Variants in YWHAE observed in about 807,000 individuals in gnomAD.
YWHAE encodes tyrosine 3-monooxygenase/tryptophan 5-monooxygenase activation protein epsilon.
YWHAE carries 4 observed loss-of-function variants against 30.1 expected under a neutral mutation model. That is an observed-to-expected ratio of 0.13 (90% CI 0.07 to 0.30). YWHAE has a LOEUF of 0.30. YWHAE is among the 10% of genes least tolerant of loss of function. YWHAE has a pLI of 1.00. For missense variants in YWHAE, 121 were observed against 315.9 expected, an observed-to-expected ratio of 0.38 and a Z score of 4.68; for synonymous variants, 118 against 111.8, an observed-to-expected ratio of 1.06 and a Z score of -0.35.
intron 5 of YWHAE, among the ~76,000 whole-genome samples, chr17:1,351,385 A>T (rs914402189): frequency 2.6e-5 from 4 of 152,034 alleles, no homozygotes; most frequent in Non-Finnish European, 4.4e-5. Flanking sequence ...TCTCAAAAAA[A>T]AAAAATAAAA....
chr17:1,399,939 C>CG, intron 1 of YWHAE, 108 bp downstream of exon 1: 1 of 1,400,480 alleles, frequency 7.1e-7, no homozygotes, highest in Admixed American at 1.7e-5. Context: ...CCCAAGCCCC[C>CG]GGGCCAGGCT....
intron 1 of YWHAE, among the ~76,000 whole-genome samples, chr17:1,391,434 C>A (rs552195222): frequency 1.2e-4 from 19 of 152,248 alleles, no homozygotes; most frequent in African/African-American, 4.6e-4. Context: ...GACCACAAGG[C>A]AAGTTTGTTG....
chr17:1,393,420 A>G (rs1227661870), intron 1 of YWHAE, among the ~76,000 whole-genome samples: 4 of 152,034 alleles, frequency 2.6e-5, no homozygotes, highest in Non-Finnish European at 4.4e-5. Flanking sequence ...TACAGACATT[A>G]TGATAAACTA....
At chr17:1,352,611 C>T (rs1382925322) in intron 5 of YWHAE, among the ~76,000 whole-genome samples, 5 of 151,946 alleles carry the variant, frequency 3.3e-5, no homozygotes, top group South Asian at 2.1e-4. Flanking sequence ...CTGCAACCTC[C>T]GCCTCCTGGG....
rs995658494 is a variant in YWHAE, at chr17:1,344,973, G to C, written c.*474C>G. 4.7e-5 allele frequency: 11 copies of C among 235,334 alleles called. No homozygotes were observed. The highest frequency in any genetic ancestry group is 2.4e-4 in the African/African-American group (11 of 45,324). 14.6% of individuals were successfully genotyped at this position (235,334 alleles called of 1,614,324 possible). A position where few individuals can be genotyped will look rare whatever the true frequency, so the allele number is the denominator to read the frequency against. ...CCCAAACCACCTTTAACCATCTCAA[G>C]CTAACACCCAATTACTTGCAAACAC... On this transcript the variant is annotated 3_prime_UTR_variant, in exon 6 of 6. Coordinates refer to ENST00000264335, the MANE Select transcript of YWHAE (RefSeq NM_006761.5).
chr17:1,382,520 C>T (rs1235064673), intron 1 of YWHAE, among the ~76,000 whole-genome samples: 4 of 151,104 alleles, frequency 2.6e-5, no homozygotes, highest in Non-Finnish European at 5.9e-5. Context: ...CCAGGCCAGG[C>T]TAATTTTTTT....
chr17:1,358,300 C>A (rs1055308817), intron 4 of YWHAE, among the ~76,000 whole-genome samples: 1 of 152,050 alleles, frequency 6.6e-6, no homozygotes, highest in African/African-American at 2.4e-5. Flanking sequence ...AGTGCAGTGG[C>A]GTGATCTTGG....
chr17:1,370,814 G>A (rs1296312942), intron 1 of YWHAE, among the ~76,000 whole-genome samples: 1 of 151,876 alleles, frequency 6.6e-6, no homozygotes, highest in Admixed American at 6.6e-5. Context: ...GGCTAACAAG[G>A]TGAAAACCTC....
At chr17:1,385,710 C>G (rs1438667994) in intron 1 of YWHAE, among the ~76,000 whole-genome samples, 7 of 152,174 alleles carry the variant, frequency 4.6e-5, no homozygotes, top group Non-Finnish European at 1.5e-5. Flanking sequence ...TATCCCAATA[C>G]TAGTTCCATT....
chr17:1,392,533 C>T (rs2150877861), intron 1 of YWHAE, among the ~76,000 whole-genome samples: 1 of 152,242 alleles, frequency 6.6e-6, no homozygotes, highest in East Asian at 1.9e-4. Flanking sequence ...CATATGCCAA[C>T]CTTTGTCCCT....
chr17:1,368,369 T>G (rs1311648752), intron 1 of YWHAE, among the ~76,000 whole-genome samples: 3 of 148,154 alleles, frequency 2.0e-5, no homozygotes, highest in African/African-American at 7.5e-5. Context: ...AGAGCGAAAC[T>G]CCATCTCAAA....
At chr17:1,353,759 G>A (rs1049346363) in intron 5 of YWHAE, among the ~76,000 whole-genome samples, 4 of 68,944 alleles carry the variant, frequency 5.8e-5, no homozygotes, top group African/African-American at 2.7e-4. Context: ...GCAAGACTCC[G>A]TCTCAAAAAA....
rs781339880 is a variant in YWHAE, at chr17:1,400,028, C to T, written c.64+19G>A. ...AGAGGGTCCGAGAATTCCAGCCCCC[C>T]GTTGCCCCCCCAACTCACCGTCGTA... On this transcript the variant is annotated intron_variant, in intron 1 of 5. Coordinates refer to ENST00000264335, the MANE Select transcript of YWHAE (RefSeq NM_006761.5). 17 of 1,608,142 alleles carry T rather than the reference C, an allele frequency of 1.1e-5. No individual in the cohort carries two copies. Among genetic ancestry groups the T allele is most frequent in the Admixed American group, 1.7e-5 (1 of 60,008 alleles).
rs2150832744 is a variant in YWHAE, at chr17:1,344,685, A to G, written c.*762T>C. 4.3e-6 allele frequency: 1 copy of G among 232,572 alleles called. No individual in the cohort carries two copies. The highest frequency in any genetic ancestry group is 6.1e-5 in the East Asian group (1 of 16,462). The allele number at this position is 232,572 out of a possible 1,614,324, so 14.4% of individuals were successfully genotyped here. A position where few individuals can be genotyped will look rare whatever the true frequency, so the allele number is the denominator to read the frequency against. On this transcript the variant is annotated 3_prime_UTR_variant, in exon 6 of 6. Coordinates refer to ENST00000264335, the MANE Select transcript of YWHAE (RefSeq NM_006761.5). ...TAGCTTCAAGTTACACATACTGAACAAAAGAGGTTGAGCGAGCGAAGGAGG... is the reference window on the plus strand; with the variant it reads ...TAGCTTCAAGTTACACATACTGAACGAAAGAGGTTGAGCGAGCGAAGGAGG...
At chr17:1,357,892 A>G (rs1175379114) in intron 4 of YWHAE, among the ~76,000 whole-genome samples, 2 of 151,440 alleles carry the variant, frequency 1.3e-5, no homozygotes, top group Non-Finnish European at 2.9e-5. Flanking sequence ...GCACCACTGC[A>G]CTCCAGCCTG....
intron 1 of YWHAE, among the ~76,000 whole-genome samples, chr17:1,388,183 G>A (rs1262433627): frequency 2.5e-5 from 3 of 119,338 alleles, no homozygotes; most frequent in Non-Finnish European, 4.9e-5. Context: ...GGCTTGTCTC[G>A]AACTCCTGAC....
chr17:1,398,701 T>C (rs1209347478), intron 1 of YWHAE: 2 of 152,128 alleles, frequency 1.3e-5, no homozygotes, highest in Non-Finnish European at 2.9e-5. Flanking sequence ...CGCACAATTA[T>C]AAATGTGTGG....
rs2072689811 is a variant in YWHAE at position 1,354,268 on chromosome 17, T to C, written c.658A>G (p.Ile220Val). ...SEESYKDSTL[I>V]MQLLRDNLTL... ...AGATTATCACGTAACAACTGCATGA[T>C]AAGTGTAGAGTCCTTATAGCTTTCT... The change falls in exon 5 of 6, where the codon ATC becomes GTC. Residue 220 changes from isoleucine (I) to valine (V), a missense_variant. Physicochemically the swap from Ile to Val is conservative, Grantham distance 29 (BLOSUM62 3). Coordinates refer to ENST00000264335, the MANE Select transcript of YWHAE (RefSeq NM_006761.5). 6.2e-7 allele frequency: 1 copy of C among 1,614,068 alleles called. No homozygotes were observed.
At chr17:1,371,492 A>C (rs149819304) in intron 1 of YWHAE, among the ~76,000 whole-genome samples, 9 of 152,136 alleles carry the variant, frequency 5.9e-5, no homozygotes, top group Admixed American at 3.3e-4. Context: ...TGCTGTAAAC[A>C]TAAGTGCTGT....
Sources: gnomAD v4.1 joint callset for allele counts (sites outside exome capture counted in the v4.1 genomes callset) on GRCh38, gnomAD v4.1.1 for gene constraint, MANE v1.5 for transcripts, NCBI Gene and HGNC (gene_info 2026-07-23, HGNC 2026-07-21) for gene names.